LDLRAD3: variants seen among roughly 807,000 people sequenced by gnomAD.
LDLRAD3 encodes low-density lipoprotein receptor class A domain-containing protein 3.
LDLRAD3 carries 20 observed loss-of-function variants against 29.4 expected under a neutral mutation model. The ratio of observed to expected loss-of-function variants is 0.68; its 90% CI spans 0.48 to 0.99. LDLRAD3 has a LOEUF of 0.99. Among genes scored for constraint, LDLRAD3 ranks in the 50% least tolerant of loss-of-function variants. LDLRAD3 has a pLI of 0.00. For missense variants in LDLRAD3, 420 were observed against 454.3 expected, an observed-to-expected ratio of 0.92 and a Z score of 0.69; for synonymous variants, 157 against 192.7, an observed-to-expected ratio of 0.81 and a Z score of 1.53.
chr11:35,960,205 C>G (rs1361426249), intron 1 of LDLRAD3, among the ~76,000 whole-genome samples: 1 of 152,132 alleles, frequency 6.6e-6, no homozygotes. Context: ...ATTTTGAGTT[C>G]TATCCACATT....
At chr11:35,946,713 CT>C (rs1381042909) in intron 1 of LDLRAD3, among the ~76,000 whole-genome samples, 17 of 152,292 alleles carry the variant, frequency 1.1e-4, no homozygotes, top group African/African-American at 4.1e-4. Context: ...TCCTGACATT[CT>C]GTATCAGTGA....
chr11:36,062,662 T>C (rs1852720643), intron 2 of LDLRAD3, among the ~76,000 whole-genome samples: 1 of 152,182 alleles, frequency 6.6e-6, no homozygotes, highest in Non-Finnish European at 1.5e-5. Context: ...GCTGTTCTCA[T>C]GACAGTGAGT....
chr11:36,188,199 T>A (rs1734942051), intron 4 of LDLRAD3, among the ~76,000 whole-genome samples: 1 of 151,884 alleles, frequency 6.6e-6, no homozygotes. Flanking sequence ...ACCTGGGAAG[T>A]CCAGGTGCCT....
chr11:35,984,314 C>A (rs1366873387), intron 1 of LDLRAD3, among the ~76,000 whole-genome samples: 1 of 152,038 alleles, frequency 6.6e-6, no homozygotes, highest in Non-Finnish European at 1.5e-5. Flanking sequence ...TTCTGTTAAT[C>A]CTCATGCTAG....
intron 1 of LDLRAD3, chr11:35,968,611 TC>T: frequency 5.5e-6 from 1 of 180,270 alleles, no homozygotes; most frequent in Non-Finnish European, 1.2e-5. Flanking sequence ...CCTCCCTGCT[TC>T]CCTGTGCTTT....
chr11:36,000,809 G>A (rs1012043311), intron 1 of LDLRAD3, among the ~76,000 whole-genome samples: 1 of 152,124 alleles, frequency 6.6e-6, no homozygotes, highest in Admixed American at 6.5e-5. Flanking sequence ...GAGAGGGAAG[G>A]AGCTTGGGGG....
chr11:36,018,669 A>G (rs1490392673), intron 1 of LDLRAD3, among the ~76,000 whole-genome samples: 2 of 152,164 alleles, frequency 1.3e-5, no homozygotes, highest in African/African-American at 4.8e-5. Flanking sequence ...GGTGCTGTCA[A>G]ATGGCCCTAG....
At chr11:36,067,128 A>G (rs927534984) in intron 2 of LDLRAD3, among the ~76,000 whole-genome samples, 10 of 151,952 alleles carry the variant, frequency 6.6e-5, no homozygotes. Flanking sequence ...TTCATACCCA[A>G]CTAAAATAGC....
intron 1 of LDLRAD3, among the ~76,000 whole-genome samples, chr11:36,029,454 T>C (rs1335638053): frequency 6.6e-6 from 1 of 152,004 alleles, no homozygotes; most frequent in African/African-American, 2.4e-5. Flanking sequence ...AACAGCATCT[T>C]CCAGAGTTGC....
At chr11:35,982,301 C>T (rs1046062381) in intron 1 of LDLRAD3, among the ~76,000 whole-genome samples, 5 of 152,066 alleles carry the variant, frequency 3.3e-5, no homozygotes, top group African/African-American at 7.2e-5. Flanking sequence ...TCTCTGCCTT[C>T]GTCGTGACAT....
chr11:36,134,941 C>T (rs1023217710), intron 4 of LDLRAD3, among the ~76,000 whole-genome samples: 4 of 152,106 alleles, frequency 2.6e-5, no homozygotes, highest in African/African-American at 9.7e-5. Context: ...TTCCAGCTCC[C>T]CTGCCTCTAG....
chr11:36,151,746 C>T (rs1467003534), intron 4 of LDLRAD3, among the ~76,000 whole-genome samples: 1 of 152,068 alleles, frequency 6.6e-6, no homozygotes, highest in Non-Finnish European at 1.5e-5. Flanking sequence ...TAGTAGAGAC[C>T]CTGGCGCTAG....
intron 4 of LDLRAD3, among the ~76,000 whole-genome samples, chr11:36,172,654 C>A (rs767884954): frequency 6.6e-6 from 1 of 151,968 alleles, no homozygotes; most frequent in Non-Finnish European, 1.5e-5. Context: ...ATTAAACCAG[C>A]CCTGCATCCC....
Position 36,044,805 on chromosome 11 carries a change from T to C in LDLRAD3, c.193+8556T>C, listed in dbSNP as rs1393973599. 5.9e-5 allele frequency among the ~76,000 whole-genome samples: 9 copies of C among 152,238 alleles called. No individual in the cohort carries two copies. The East Asian group carries it at 1.7e-3, about 29-fold the overall frequency. The stretch of plus-strand genomic sequence containing the variant: ...TGGAGGTACCTCTTCTGCATTCAGA[T>C]GGGGACCTATGTCTTAATGGACCTG... On this transcript the variant is annotated intron_variant, in intron 2 of 5. Coordinates refer to ENST00000315571, the MANE Select transcript of LDLRAD3 (RefSeq NM_174902.4).
chr11:35,986,448 T>C (rs1229748794), intron 1 of LDLRAD3, among the ~76,000 whole-genome samples: 1 of 152,256 alleles, frequency 6.6e-6, no homozygotes, highest in Non-Finnish European at 1.5e-5. Context: ...TGTGATATGC[T>C]TATGTAAGGA....
chr11:36,163,384 G>A (rs997680041), intron 4 of LDLRAD3: 4 of 152,220 alleles, frequency 2.6e-5, no homozygotes, highest in Non-Finnish European at 5.9e-5. Flanking sequence ...CAGCACCGAG[G>A]TGTGGCTTAG....
intron 1 of LDLRAD3, among the ~76,000 whole-genome samples, chr11:35,964,303 A>G (rs1341767661): frequency 6.6e-6 from 1 of 152,162 alleles, no homozygotes; most frequent in Non-Finnish European, 1.5e-5. Flanking sequence ...CAAGACTGTC[A>G]TGATCGTGAT....
chr11:35,982,973 C>T (rs533984778), intron 1 of LDLRAD3, among the ~76,000 whole-genome samples: 32 of 151,646 alleles, frequency 2.1e-4, no homozygotes, highest in Non-Finnish European at 4.0e-4. Context: ...CCTGCCTCAG[C>T]CTCCCGAGTT....
chr11:36,048,030 C>T (rs36111498), intron 2 of LDLRAD3, among the ~76,000 whole-genome samples: 23,388 of 149,588 alleles, frequency 0.16, 1,846 homozygotes, highest in East Asian at 0.23. Flanking sequence ...GCACTTAATA[C>T]GATACACTTT....
Sources: allele counts gnomAD v4.1 joint callset (sites outside exome capture counted in the v4.1 genomes callset), GRCh38; gene constraint gnomAD v4.1.1; transcripts MANE v1.5; gene names NCBI Gene and HGNC (gene_info 2026-07-23, HGNC 2026-07-21).